The following UNC5D variants were observed in gnomAD, a reference collection of about 807,000 sequenced individuals.
UNC5D encodes unc-5 netrin receptor D.
Under a neutral mutation model 105.4 loss-of-function variants are expected in UNC5D, and 39 were observed. The ratio of observed to expected loss-of-function variants is 0.37; its 90% CI spans 0.29 to 0.48. The LOEUF is 0.48. UNC5D is among the 20% of genes least tolerant of loss of function. The pLI, the probability that UNC5D is intolerant of heterozygous loss-of-function variation, is 0.98. For synonymous variants in UNC5D, 452 were observed against 450.4 expected, an observed-to-expected ratio of 1.00 and a Z score of -0.04; for missense variants, 991 against 1,202.4, an observed-to-expected ratio of 0.82 and a Z score of 2.60.
chr8:35,703,014 C>T (rs1827316117), intron 7 of UNC5D, among the ~76,000 whole-genome samples: 1 of 151,970 alleles, frequency 6.6e-6, no homozygotes, highest in South Asian at 2.1e-4. Flanking sequence ...ATTCTAGCCC[C>T]GCCCTAATTT....
At chr8:35,366,036 C>A (rs996824297) in intron 1 of UNC5D, among the ~76,000 whole-genome samples, 1 of 152,048 alleles carries the variant, frequency 6.6e-6, no homozygotes, top group Non-Finnish European at 1.5e-5. Context: ...CATTTGACAA[C>A]CTATTCACTA....
intron 1 of UNC5D, among the ~76,000 whole-genome samples, chr8:35,309,748 C>A (rs1585553506): frequency 6.6e-6 from 1 of 152,074 alleles, no homozygotes; most frequent in South Asian, 2.1e-4. Flanking sequence ...ATGTAAGCCT[C>A]TCATAGGGAA....
At chr8:35,245,290 T>C (rs1413970909) in intron 1 of UNC5D, among the ~76,000 whole-genome samples, 1 of 151,820 alleles carries the variant, frequency 6.6e-6, no homozygotes, top group Non-Finnish European at 1.5e-5. Flanking sequence ...TTAAGAGAGA[T>C]GGAAAAAAAA....
At chr8:35,452,624 A>C (rs1161890203) in intron 1 of UNC5D, among the ~76,000 whole-genome samples, 1 of 152,162 alleles carries the variant, frequency 6.6e-6, no homozygotes, top group Non-Finnish European at 1.5e-5. Context: ...TATCCTAGTT[A>C]CACCCCAAAG....
At chr8:35,746,648 G>T (rs573579805) in intron 11 of UNC5D, among the ~76,000 whole-genome samples, 88 of 152,300 alleles carry the variant, frequency 5.8e-4, no homozygotes, top group Non-Finnish European at 1.1e-3. Flanking sequence ...CACAACGAGT[G>T]TGAGAGTTCA....
chr8:35,362,981 C>T (rs542085696), intron 1 of UNC5D, among the ~76,000 whole-genome samples: 2 of 152,252 alleles, frequency 1.3e-5, no homozygotes, highest in South Asian at 4.1e-4. Context: ...TACTAATATC[C>T]TTTCTCTGGT....
intron 7 of UNC5D, among the ~76,000 whole-genome samples, chr8:35,705,301 G>A (rs1005858265): frequency 6.6e-6 from 1 of 152,180 alleles, no homozygotes; most frequent in Non-Finnish European, 1.5e-5. Context: ...TCTCATGGGT[G>A]CACTGCTAAA....
chr8:35,464,302 G>A (rs757809695), intron 1 of UNC5D, among the ~76,000 whole-genome samples: 5 of 152,068 alleles, frequency 3.3e-5, no homozygotes, highest in Non-Finnish European at 5.9e-5. Flanking sequence ...ATTCCAGCCT[G>A]GGCGACAAGA....
chr8:35,657,080 G>GTGTGTGTGTGTA (rs1281641556), intron 4 of UNC5D, among the ~76,000 whole-genome samples: 2 of 46,520 alleles, frequency 4.3e-5, no homozygotes, highest in African/African-American at 1.1e-4. Context: ...GTGTGTGTGT[G>GTGTGTGTGTGTA]TATATATATA....
intron 1 of UNC5D, among the ~76,000 whole-genome samples, chr8:35,522,414 C>T (rs1314645407): frequency 1.3e-5 from 2 of 152,160 alleles, no homozygotes; most frequent in Non-Finnish European, 2.9e-5. Context: ...GAGGAGCCCT[C>T]ACAGAACTCC....
chr8:35,705,887 T>C (rs923340029), intron 7 of UNC5D, 42 bp from the exon 8 acceptor site: 5 of 1,260,556 alleles, frequency 4.0e-6, no homozygotes, highest in Non-Finnish European at 4.5e-6. Flanking sequence ...CCATGTAAAT[T>C]TATTAAATGC....
intron 1 of UNC5D, among the ~76,000 whole-genome samples, chr8:35,325,968 G>A (rs1810125155): frequency 6.6e-6 from 1 of 152,046 alleles, no homozygotes; most frequent in Non-Finnish European, 1.5e-5. Context: ...CATCCTAACT[G>A]GCATCTTTCG....
At position 35,793,083 on chromosome 8, in the gene UNC5D, AT is replaced by A; in HGVS notation, c.*2522del. On this transcript the variant is annotated 3_prime_UTR_variant, in exon 17 of 17. Transcript: ENST00000404895. Reference sequence around the variant, plus strand: ...AGACTTCAGCCTAAGATTCAATCAAATTCATCCTTCAGCCTGTCTTGTTTCT... The same window carrying A: ...AGACTTCAGCCTAAGATTCAATCAAATCATCCTTCAGCCTGTCTTGTTTCT... The A allele has an allele frequency of 2.2e-6, 1 of 453,680 alleles. No individual in the cohort carries two copies. The highest frequency in any genetic ancestry group is 4.4e-6 in the Non-Finnish European group (1 of 226,002). The allele number at this position is 453,680 out of a possible 1,614,324, so 28.1% of individuals were successfully genotyped here.
At chr8:35,550,556 T>C (rs1407631386) in intron 2 of UNC5D, among the ~76,000 whole-genome samples, 2 of 152,328 alleles carry the variant, frequency 1.3e-5, no homozygotes, top group East Asian at 3.9e-4. Context: ...ATAGCAACGA[T>C]ATTCTATATA....
At chr8:35,717,655 A>G (rs1828328134) in intron 8 of UNC5D, among the ~76,000 whole-genome samples, 1 of 152,202 alleles carries the variant, frequency 6.6e-6, no homozygotes, top group Non-Finnish European at 1.5e-5. Context: ...CAGAAATACA[A>G]TTCAGGTTTT....
At chr8:35,311,424 G>A (rs1373429011) in intron 1 of UNC5D, among the ~76,000 whole-genome samples, 2 of 152,222 alleles carry the variant, frequency 1.3e-5, no homozygotes, top group South Asian at 2.1e-4. Context: ...GTGCGAGCTT[G>A]GCTGGGTAAG....
intron 7 of UNC5D, among the ~76,000 whole-genome samples, chr8:35,695,421 A>G (rs1402101296): frequency 6.6e-6 from 1 of 152,178 alleles, no homozygotes; most frequent in Non-Finnish European, 1.5e-5. Flanking sequence ...GCTATTCTGG[A>G]GGCTGAGGCA....
chr8:35,388,491 G>A (rs1803576408), intron 1 of UNC5D, among the ~76,000 whole-genome samples: 1 of 152,160 alleles, frequency 6.6e-6, no homozygotes, highest in Non-Finnish European at 1.5e-5. Context: ...TCAAGGCAGT[G>A]TGTTTCCTTA....
At chr8:35,550,933 T>C (rs1816087561) in intron 2 of UNC5D, among the ~76,000 whole-genome samples, 1 of 152,164 alleles carries the variant, frequency 6.6e-6, no homozygotes, top group Admixed American at 6.5e-5. Flanking sequence ...AAACGTTTGG[T>C]TTTGTTGAAA....
Sources: allele counts gnomAD v4.1 joint callset (sites outside exome capture counted in the v4.1 genomes callset), GRCh38; gene constraint gnomAD v4.1.1; transcripts MANE v1.5; gene names NCBI Gene and HGNC (gene_info 2026-07-23, HGNC 2026-07-21).